ARHGAP32: variants seen among roughly 807,000 people sequenced by gnomAD.
ARHGAP32 encodes the protein Rho GTPase activating protein 32.
ARHGAP32 carries 51 observed loss-of-function variants against 186.5 expected under a neutral mutation model. That is an observed-to-expected ratio of 0.27 (90% CI 0.22 to 0.35). The LOEUF (loss-of-function observed/expected upper bound fraction) is 0.35. ARHGAP32 is among the 10% of genes least tolerant of loss of function. The pLI, the probability that ARHGAP32 is intolerant of heterozygous loss-of-function variation, is 1.00. For synonymous variants in ARHGAP32, 950 were observed against 964.3 expected, an observed-to-expected ratio of 0.99 and a Z score of 0.27; for missense variants, 2,186 against 2,623.5, an observed-to-expected ratio of 0.83 and a Z score of 3.64.
intron 20 of ARHGAP32, among the ~76,000 whole-genome samples, chr11:128,975,207 CAT>C (rs374325667): frequency 1.9e-4 from 29 of 152,162 alleles, no homozygotes; most frequent in African/African-American, 5.5e-4. Context: ...AAATAGCAAA[CAT>C]GTGATAGAAT....
In ARHGAP32 at chr11:129,249,615, T is replaced by C. The variant is rs182155219; in HGVS notation, c.-5+29531A>G. Among the ~76,000 whole-genome samples, 8 of 152,194 alleles carry C rather than the reference T, an allele frequency of 5.3e-5. No homozygotes were observed. The East Asian group carries it at 9.7e-4, about 18-fold the overall frequency. ...ATCTATCCCGAACTGTTTTCCAATA[T>C]GTGGAATTCTTGAAGGGCTGCAATT... On this transcript the variant is annotated intron_variant, in intron 1 of 6. Coordinates refer to the ARHGAP32 transcript ENST00000525234.
chr11:129,062,573 T>C (rs758241282), intron 9 of ARHGAP32, among the ~76,000 whole-genome samples: 1 of 152,236 alleles, frequency 6.6e-6, no homozygotes, highest in South Asian at 2.1e-4. Flanking sequence ...GCACAAAGAC[T>C]GTGATTCAAC....
chr11:129,158,028 G>A (rs1474752931), intron 2 of ARHGAP32, among the ~76,000 whole-genome samples: 2 of 152,118 alleles, frequency 1.3e-5, no homozygotes, highest in African/African-American at 2.4e-5. Flanking sequence ...CAAATGCTGA[G>A]AAATTTTGTC....
rs1272975756 is a variant in ARHGAP32, at chr11:129,245,095, C to A, written c.-5+34051G>T. Among the ~76,000 whole-genome samples the A allele has an allele frequency of 4.0e-3, 600 of 151,000 alleles. 4 individuals are homozygous for A. The highest frequency in any genetic ancestry group is 0.013 in the African/African-American group (547 of 41,050). ...ACCATTTGACCCAGCCATCCCATTA[C>A]TGGGTATATACCCAAAGGATTATAA... On this transcript the variant is annotated intron_variant, in intron 1 of 6. Coordinates refer to the ARHGAP32 transcript ENST00000525234.
rs758268559 is a variant in ARHGAP32 at position 129,252,122 on chromosome 11, ATTAACT to A, written c.-5+27018_-5+27023del. Among the ~76,000 whole-genome samples, 122 of 152,290 alleles carry A rather than the reference ATTAACT, an allele frequency of 8.0e-4. 1 individual carries two copies. The Middle Eastern group carries it at 0.014, about 17-fold the overall frequency. On this transcript the variant is annotated intron_variant, in intron 1 of 6. Coordinates refer to the ARHGAP32 transcript ENST00000525234. ...ATTTATAGTTTTAGACCAATTCTAA[ATTAACT>A]TTAACTTTACATCTACAGTATACTT...
intron 2 of ARHGAP32, among the ~76,000 whole-genome samples, chr11:129,152,295 C>A (rs1943304435): frequency 1.3e-5 from 2 of 152,204 alleles, no homozygotes; most frequent in South Asian, 4.2e-4. Flanking sequence ...CAGCTGAATT[C>A]TATAAGACAC....
chr11:129,244,448 T>C (rs1185310889), intron 1 of ARHGAP32, among the ~76,000 whole-genome samples: 2 of 152,244 alleles, frequency 1.3e-5, no homozygotes, highest in Non-Finnish European at 2.9e-5. Context: ...TTAAACGTTT[T>C]CTAAAAGGAT....
intron 11 of ARHGAP32, among the ~76,000 whole-genome samples, chr11:129,034,728 C>CAA (rs767897442): frequency 3.9e-4 from 28 of 72,556 alleles, no homozygotes; most frequent in African/African-American, 6.3e-4. Flanking sequence ...AAACTGAAAA[C>CAA]AAAAAAAAAA....
In ARHGAP32 at chr11:128,970,959, C is replaced by A. The variant is rs1008135511; in HGVS notation, c.4254G>T (p.Ala1418=). Residue 1418 remains alanine, a synonymous_variant, in exon 23 of 23, where the codon GCG becomes GCT. Coordinates refer to ENST00000682385, the MANE Select transcript of ARHGAP32 (RefSeq NM_001378024.1). The surrounding 1 kb of genome is among the most constrained non-coding windows in gnomAD (Gnocchi z 5.8). ...LLHLRAESVP[A]HPCGFPAPLP... is the part of the protein sequence containing the mutation. ...GTGGTGCAGGAAAGCCACAGGGATGCGCAGGGACAGACTCGGCGCGCAGGT... is the reference window on the plus strand; with the variant it reads ...GTGGTGCAGGAAAGCCACAGGGATGAGCAGGGACAGACTCGGCGCGCAGGT... 3 of 1,613,756 alleles carry A rather than the reference C, an allele frequency of 1.9e-6. No homozygotes were observed. The highest frequency in any genetic ancestry group is 2.5e-6 in the Non-Finnish European group (3 of 1,179,994).
At chr11:128,975,031 T>TAAG (rs755383524) in intron 20 of ARHGAP32, 29 bp from the exon 21 acceptor site, 1 of 1,569,936 alleles carries the variant, frequency 6.4e-7, no homozygotes, top group Non-Finnish European at 8.6e-7. Flanking sequence ...AGTGTCAAAG[T>TAAG]AAGAACATCG....
chr11:129,143,089 A>ATATATATATATAT (rs66832335), intron 2 of ARHGAP32, among the ~76,000 whole-genome samples: 14 of 145,662 alleles, frequency 9.6e-5, no homozygotes, highest in East Asian at 2.0e-4. Context: ...ATATATATAT[A>ATATATATATATAT]ATCAACTGAA....
intron 2 of ARHGAP32, among the ~76,000 whole-genome samples, chr11:129,141,092 G>A (rs1943041979): frequency 6.6e-6 from 1 of 152,154 alleles, no homozygotes; most frequent in Admixed American, 6.5e-5. Flanking sequence ...CAGGTAGAAT[G>A]CTTATGTTTA....
chr11:129,263,170 C>A (rs1945347140), intron 1 of ARHGAP32, among the ~76,000 whole-genome samples: 1 of 152,082 alleles, frequency 6.6e-6, no homozygotes, highest in South Asian at 2.1e-4. Flanking sequence ...TGTCATAACA[C>A]TGGATTTGGC....
chr11:129,209,538 GC>G (rs1944554216), intron 1 of ARHGAP32, among the ~76,000 whole-genome samples: 1 of 152,060 alleles, frequency 6.6e-6, no homozygotes, highest in South Asian at 2.1e-4. Flanking sequence ...TACTGCACAT[GC>G]CTTGACAGGA....
chr11:129,052,922 A>G (rs1437507607), intron 10 of ARHGAP32, among the ~76,000 whole-genome samples: 1 of 152,130 alleles, frequency 6.6e-6, no homozygotes, highest in Non-Finnish European at 1.5e-5. Context: ...TTTAGAAAAT[A>G]CTTGTCATAA....
intron 10 of ARHGAP32, among the ~76,000 whole-genome samples, chr11:129,060,314 A>AT (rs1428003085): frequency 6.6e-6 from 1 of 151,976 alleles, no homozygotes; most frequent in African/African-American, 2.4e-5. Context: ...AAAAAAGCAA[A>AT]TGACTTCCCT....
At chr11:129,167,306 T>A (rs528380766) in intron 1 of ARHGAP32, among the ~76,000 whole-genome samples, 2 of 152,266 alleles carry the variant, frequency 1.3e-5, no homozygotes, top group Non-Finnish European at 1.5e-5. Context: ...TGGAAAAGAC[T>A]GGCAGTTTCT....
chr11:129,002,110 A>AT (rs1469792201), intron 11 of ARHGAP32, among the ~76,000 whole-genome samples: 1 of 151,898 alleles, frequency 6.6e-6, no homozygotes, highest in Non-Finnish European at 1.5e-5. Context: ...ATTTTAGTAT[A>AT]TTTTTTTCTA....
chr11:129,010,451 T>C (rs1035416352), intron 11 of ARHGAP32, among the ~76,000 whole-genome samples: 1 of 152,194 alleles, frequency 6.6e-6, no homozygotes, highest in Admixed American at 6.5e-5. Flanking sequence ...TTTTAATCCA[T>C]CTTGAATTGA....
Sources: allele counts gnomAD v4.1 joint callset (sites outside exome capture counted in the v4.1 genomes callset), GRCh38; gene constraint gnomAD v4.1.1; non-coding constraint Gnocchi (gnomAD v3.1); transcripts MANE v1.5; gene names NCBI Gene and HGNC (gene_info 2026-07-23, HGNC 2026-07-21).